The following EPHA6 variants were observed in gnomAD, a reference collection of about 807,000 sequenced individuals.
EPHA6 encodes the protein ephrin type-A receptor 6.
A neutral mutation model predicts 112.0 loss-of-function variants in EPHA6; 50 were observed. The ratio of observed to expected loss-of-function variants is 0.45; its 90% CI spans 0.36 to 0.56. The LOEUF is 0.56. EPHA6 is among the 20% of genes least tolerant of loss of function. EPHA6 has a pLI of 0.00. For synonymous variants in EPHA6, 529 were observed against 490.7 expected, an observed-to-expected ratio of 1.08 and a Z score of -1.03; for missense variants, 1,280 against 1,417.4, an observed-to-expected ratio of 0.90 and a Z score of 1.56.
intron 1 of EPHA6, among the ~76,000 whole-genome samples, chr3:96,841,580 C>T (rs1047955450): frequency 1.3e-5 from 2 of 151,954 alleles, no homozygotes; most frequent in Non-Finnish European, 2.9e-5. Context: ...GCTCACTTTC[C>T]CACTCCCATG....
intron 2 of EPHA6, among the ~76,000 whole-genome samples, chr3:96,867,114 A>G (rs2036361054): frequency 6.6e-6 from 1 of 151,916 alleles, no homozygotes. Context: ...TACTGTGTTT[A>G]TACATAGTGA....
intron 3 of EPHA6, among the ~76,000 whole-genome samples, chr3:97,143,317 C>T (rs1331917885): frequency 6.6e-6 from 1 of 151,652 alleles, no homozygotes; most frequent in Non-Finnish European, 1.5e-5. Flanking sequence ...CCTACACCCC[C>T]TGAATCTATA....
intron 2 of EPHA6, among the ~76,000 whole-genome samples, chr3:96,885,642 C>T (rs1366397257): frequency 6.6e-6 from 1 of 151,852 alleles, no homozygotes; most frequent in African/African-American, 2.4e-5. Flanking sequence ...CTTGCCAGTG[C>T]TCTATCAATT....
At chr3:97,686,936 T>TG (rs770838529) in intron 14 of EPHA6, among the ~76,000 whole-genome samples, 1 of 152,144 alleles carries the variant, frequency 6.6e-6, no homozygotes, top group Non-Finnish European at 1.5e-5. Context: ...CCATATTTTG[T>TG]GGGGGGAAAT....
intron 2 of EPHA6, among the ~76,000 whole-genome samples, chr3:96,877,719 C>A (rs1282059962): frequency 6.7e-6 from 1 of 149,498 alleles, no homozygotes; most frequent in Non-Finnish European, 1.5e-5. Flanking sequence ...TCAGCAAAAT[C>A]GATTCTTAAA....
At chr3:97,030,155 C>T (rs748712972) in intron 3 of EPHA6, among the ~76,000 whole-genome samples, 4 of 152,050 alleles carry the variant, frequency 2.6e-5, no homozygotes, top group African/African-American at 7.2e-5. Flanking sequence ...CTATTTTTTA[C>T]GTATTTGCTG....
chr3:97,556,572 A>T (rs1033669760), intron 11 of EPHA6, among the ~76,000 whole-genome samples: 1 of 152,038 alleles, frequency 6.6e-6, no homozygotes, highest in Non-Finnish European at 1.5e-5. Context: ...GAACAGCATG[A>T]GGGTAACTGC....
At chr3:97,615,941 C>A (rs1468554225) in intron 13 of EPHA6, among the ~76,000 whole-genome samples, 1 of 152,162 alleles carries the variant, frequency 6.6e-6, no homozygotes, top group African/African-American at 2.4e-5. Flanking sequence ...AGAAGCAGTA[C>A]CCCAGCAGGA....
At chr3:96,998,166 A>G (rs1040656706) in intron 3 of EPHA6, among the ~76,000 whole-genome samples, 4 of 151,902 alleles carry the variant, frequency 2.6e-5, no homozygotes, top group African/African-American at 4.8e-5. Flanking sequence ...ACACATTTCT[A>G]TGGGAGCATA....
rs370326315 is a variant in EPHA6 at position 97,638,046 on chromosome 3, G to C, written c.2748G>C (p.Val916=). 3.7e-5 allele frequency: 60 copies of C among 1,613,676 alleles called. No individual in the cohort carries two copies. The highest frequency in any genetic ancestry group is 4.7e-5 in the Non-Finnish European group (56 of 1,179,824). ...CKVSDFGLSR[V]LEDDPEAAYT... ...TTTCTGATTTTGGTCTCTCCAGAGT[G>C]CTGGAAGATGATCCAGAAGCTGCTT... is the stretch of plus-strand genomic sequence containing the variant. The change falls in exon 14 of 18, where the codon GTG becomes GTC. Residue 916 remains valine (V), a synonymous_variant. Transcript: ENST00000389672.
intron 5 of EPHA6, among the ~76,000 whole-genome samples, chr3:97,361,860 A>G (rs1048216837): frequency 5.3e-5 from 8 of 152,206 alleles, no homozygotes; most frequent in Admixed American, 5.2e-4. Context: ...TAAACATTAA[A>G]ACCATAGCAG....
intron 14 of EPHA6, among the ~76,000 whole-genome samples, chr3:97,644,326 A>G (rs1167891364): frequency 6.8e-6 from 1 of 148,030 alleles, no homozygotes; most frequent in Non-Finnish European, 1.5e-5. Flanking sequence ...AATGCCCACA[A>G]GAGAAAGCAG....
At chr3:97,649,443 A>G (rs2107603794) in intron 14 of EPHA6, among the ~76,000 whole-genome samples, 1 of 152,212 alleles carries the variant, frequency 6.6e-6, no homozygotes, top group African/African-American at 2.4e-5. Context: ...TAACATAGAA[A>G]AAGCTACATA....
rs2036076662 is a variant in EPHA6 at position 97,758,390 on chromosome 3, C to T, written c.*9689C>T. Among the ~76,000 whole-genome samples, 1 of 151,942 alleles carries T rather than the reference C, an allele frequency of 6.6e-6. No homozygotes were observed. Among genetic ancestry groups the T allele is most frequent in the Non-Finnish European group, 1.5e-5 (1 of 67,858 alleles). ...AACAACAAATTAAAGGAGATCATGTCTCCTTACTGGTCCAAAATTGTATAA... is the reference window on the plus strand; with the variant it reads ...AACAACAAATTAAAGGAGATCATGTTTCCTTACTGGTCCAAAATTGTATAA... On this transcript the variant is annotated 3_prime_UTR_variant, in exon 18 of 18. Coordinates refer to ENST00000389672, the MANE Select transcript of EPHA6 (RefSeq NM_001080448.3).
Position 97,168,287 on chromosome 3 carries a change from C to T in EPHA6, c.1115-57977C>T, listed in dbSNP as rs113828253. ...CTCTACAGTTATTTATTCTATAACA[C>T]TTTGATATGGTTTGGCTCTGTGTTC... On this transcript the variant is annotated intron_variant, in intron 3 of 17. Coordinates refer to ENST00000389672, the MANE Select transcript of EPHA6 (RefSeq NM_001080448.3). 1.4e-3 allele frequency among the ~76,000 whole-genome samples: 219 copies of T among 152,178 alleles called. 1 individual carries two copies. The highest frequency in any genetic ancestry group is 5.0e-3 in the African/African-American group (209 of 41,512).
At chr3:96,984,579 C>A (rs1051316522) in intron 2 of EPHA6, among the ~76,000 whole-genome samples, 2 of 152,202 alleles carry the variant, frequency 1.3e-5, no homozygotes, top group Admixed American at 1.3e-4. Context: ...CTCTTCAAAG[C>A]TGTCAGACAG....
At chr3:96,926,151 G>A (rs1337505184) in intron 2 of EPHA6, among the ~76,000 whole-genome samples, 3 of 152,164 alleles carry the variant, frequency 2.0e-5, no homozygotes, top group African/African-American at 7.2e-5. Flanking sequence ...CATGGCAGAA[G>A]GGGAAGCAAG....
chr3:96,893,274 T>C (rs2038080707), intron 2 of EPHA6, among the ~76,000 whole-genome samples: 1 of 152,214 alleles, frequency 6.6e-6, no homozygotes, highest in Non-Finnish European at 1.5e-5. Flanking sequence ...TATACTACCC[T>C]CTTCATCATT....
At chr3:97,456,439 C>T (rs2107357763) in intron 7 of EPHA6, among the ~76,000 whole-genome samples, 1 of 152,128 alleles carries the variant, frequency 6.6e-6, no homozygotes. Flanking sequence ...TTTTATACCT[C>T]TTATATTGCT....
Sources: allele counts gnomAD v4.1 joint callset (sites outside exome capture counted in the v4.1 genomes callset), GRCh38; gene constraint gnomAD v4.1.1; transcripts MANE v1.5; gene names NCBI Gene and HGNC (gene_info 2026-07-23, HGNC 2026-07-21).